The following KLF12 variants were observed in gnomAD, a reference collection of about 807,000 sequenced individuals.
KLF12 encodes the protein KLF transcription factor 12.
KLF12 carries 9 observed loss-of-function variants against 37.8 expected under a neutral mutation model. The ratio of observed to expected loss-of-function variants is 0.24; its 90% CI spans 0.14 to 0.42. KLF12 has a LOEUF of 0.42. Among genes scored for constraint, KLF12 ranks in the 10% least tolerant of loss-of-function variants. KLF12 has a pLI of 1.00. For missense variants in KLF12, 411 were observed against 516.0 expected (o/e 0.80, Z 1.97); for synonymous variants, 208 against 202.1 (o/e 1.03, Z -0.25).
chr13:74,277,078 C>G, the KLF12 span, among the ~76,000 whole-genome samples: 1 of 152,172 alleles, frequency 6.6e-6, no homozygotes, highest in Non-Finnish European at 1.5e-5. Context: ...CTGCCAATAG[C>G]CTGATGGCCT....
intron 5 of KLF12, among the ~76,000 whole-genome samples, chr13:73,784,757 A>G (rs1034827621): frequency 6.6e-6 from 1 of 150,862 alleles, no homozygotes; most frequent in Admixed American, 6.7e-5. Context: ...CATCCTCCTG[A>G]GTAGCTGGAA....
rs181923689 is a variant in KLF12 at position 73,747,773 on chromosome 13, G to C, written c.869+17165C>G. Among the ~76,000 whole-genome samples the C allele has an allele frequency of 2.2e-4, 33 of 152,288 alleles. No individual in the cohort carries two copies. The East Asian group carries it at 6.4e-3, about 29-fold the overall frequency. On this transcript the variant is annotated intron_variant, in intron 6 of 7. Coordinates refer to ENST00000377669, the MANE Select transcript of KLF12 (RefSeq NM_007249.5). ...CTCAGAGATATAAAATAACTTGCTC[G>C]AAGTTACAGAGTTAATATATAGTAA...
At chr13:73,827,873 T>C (rs1374711137) in intron 4 of KLF12, among the ~76,000 whole-genome samples, 1 of 152,300 alleles carries the variant, frequency 6.6e-6, no homozygotes, top group East Asian at 1.9e-4. Context: ...CCATCCAGAA[T>C]TTTGGTGCAT....
chr13:74,022,151 T>A (rs1892857826), intron 1 of KLF12, among the ~76,000 whole-genome samples: 1 of 152,070 alleles, frequency 6.6e-6, no homozygotes, highest in Non-Finnish European at 1.5e-5. Flanking sequence ...TAGTCACTAG[T>A]ACAGCATCAG....
chr13:74,293,337 C>T, the KLF12 span, among the ~76,000 whole-genome samples: 4 of 152,128 alleles, frequency 2.6e-5, no homozygotes, highest in Non-Finnish European at 5.9e-5. Flanking sequence ...TTCAAACTCC[C>T]TCAAAACCTG....
intron 5 of KLF12, among the ~76,000 whole-genome samples, chr13:73,789,673 C>CTT (rs376606853): frequency 4.2e-5 from 6 of 141,758 alleles, no homozygotes; most frequent in East Asian, 2.1e-4. Flanking sequence ...TATCTCTAAT[C>CTT]TTTTTTTTTT....
chr13:74,170,016 C>G, the KLF12 span, among the ~76,000 whole-genome samples: 3 of 152,068 alleles, frequency 2.0e-5, no homozygotes, highest in African/African-American at 7.2e-5. Flanking sequence ...AGTGGCAGAT[C>G]CACTGCTATA....
intron 1 of KLF12, among the ~76,000 whole-genome samples, chr13:74,092,700 A>G (rs1419470370): frequency 6.6e-6 from 1 of 152,184 alleles, no homozygotes; most frequent in Non-Finnish European, 1.5e-5. Flanking sequence ...GAATATTTGC[A>G]AATTATACAA....
At chr13:73,904,957 C>CAA (rs59392777) in intron 3 of KLF12, among the ~76,000 whole-genome samples, 4,463 of 138,698 alleles carry the variant, frequency 0.032, 183 homozygotes, top group African/African-American at 0.1. Flanking sequence ...TTATCCTAAG[C>CAA]AAAAAAAAAA....
chr13:73,858,666 A>G (rs1375228654), intron 3 of KLF12, among the ~76,000 whole-genome samples: 3 of 152,232 alleles, frequency 2.0e-5, no homozygotes, highest in Non-Finnish European at 4.4e-5. Context: ...ATGCTACAAA[A>G]GGATTTTTAA....
At chr13:74,108,879 G>A (rs143245524) in intron 1 of KLF12, among the ~76,000 whole-genome samples, 2 of 152,272 alleles carry the variant, frequency 1.3e-5, no homozygotes, top group East Asian at 3.9e-4. Context: ...GGTAGCATAG[G>A]TGGAAGAAAA....
At chr13:73,889,042 T>C (rs1887369449) in intron 3 of KLF12, among the ~76,000 whole-genome samples, 1 of 152,206 alleles carries the variant, frequency 6.6e-6, no homozygotes, top group Non-Finnish European at 1.5e-5. Context: ...TCCAGACTGA[T>C]TTATGTAGAC....
At chr13:74,219,828 G>A in the KLF12 span, among the ~76,000 whole-genome samples, 1 of 152,132 alleles carries the variant, frequency 6.6e-6, no homozygotes, top group South Asian at 2.1e-4. Context: ...AAGGTAATCT[G>A]TTTTTCTTAG....
the KLF12 span, among the ~76,000 whole-genome samples, chr13:74,184,906 T>C: frequency 1.3e-5 from 2 of 152,260 alleles, no homozygotes; most frequent in African/African-American, 2.4e-5. Context: ...AATTTGTTAC[T>C]TCAGTAAATG....
At chr13:73,715,592 G>T in intron 6 of KLF12, 67 bp from the exon 7 acceptor site, 1 of 1,494,646 alleles carries the variant, frequency 6.7e-7, no homozygotes. Flanking sequence ...CTGGTGGCAT[G>T]GGAACATTGT....
chr13:74,094,772 G>A (rs947612602), intron 1 of KLF12, among the ~76,000 whole-genome samples: 1 of 151,908 alleles, frequency 6.6e-6, no homozygotes, highest in Non-Finnish European at 1.5e-5. Flanking sequence ...GCTAATTTTT[G>A]TATTTTTAGT....
the KLF12 span, among the ~76,000 whole-genome samples, chr13:74,227,568 T>A: frequency 6.6e-6 from 1 of 152,148 alleles, no homozygotes; most frequent in Non-Finnish European, 1.5e-5. Context: ...TTTCTATTTT[T>A]AGTCAAAATG....
At chr13:74,267,123 T>C in the KLF12 span, among the ~76,000 whole-genome samples, 6 of 152,186 alleles carry the variant, frequency 3.9e-5, no homozygotes, top group Non-Finnish European at 7.4e-5. Context: ...ATGGTGATAG[T>C]GAAAACTACT....
At chr13:74,155,657 C>G in the KLF12 span, among the ~76,000 whole-genome samples, 2 of 140,326 alleles carry the variant, frequency 1.4e-5, no homozygotes, top group African/African-American at 4.9e-5. Flanking sequence ...ACCACCACGC[C>G]CAGCCTGTAG....
Sources: gnomAD v4.1 joint callset for allele counts (sites outside exome capture counted in the v4.1 genomes callset) on GRCh38, gnomAD v4.1.1 for gene constraint, MANE v1.5 for transcripts, NCBI Gene and HGNC (gene_info 2026-07-23, HGNC 2026-07-21) for gene names.